GNG2: variants seen among roughly 807,000 people sequenced by gnomAD.
GNG2 encodes the protein guanine nucleotide-binding protein G(I)/G(S)/G(O) subunit gamma-2.
A neutral mutation model predicts 5.5 loss-of-function variants in GNG2; 5 were observed. The ratio of observed to expected loss-of-function variants is 0.91; its 90% CI spans 0.48 to 1.92. The LOEUF (loss-of-function observed/expected upper bound fraction) is 1.92, where lower values mean the gene tolerates loss of function less well. Ranked by LOEUF, GNG2 falls within the 30% of genes most tolerant of loss-of-function variation. The probability of loss-of-function intolerance (pLI) is 0.01; values close to 1 mark genes in which losing one functional copy is unlikely to be tolerated. For synonymous variants in GNG2, 28 were observed against 32.0 expected (o/e 0.88, Z 0.42); for missense variants, 55 against 88.4 (o/e 0.62, Z 1.52).
At chr14:51,870,321 A>G (rs1883217555) in intron 1 of GNG2, among the ~76,000 whole-genome samples, 1 of 146,534 alleles carries the variant, frequency 6.8e-6, no homozygotes, top group Middle Eastern at 3.4e-3. Flanking sequence ...CTGGCGAAAA[A>G]CACAGACTGG....
chr14:51,946,855 T>C (rs10498440), intron 2 of GNG2, among the ~76,000 whole-genome samples: 69,113 of 151,936 alleles, frequency 0.45, 15,855 homozygotes, highest in East Asian at 0.64. Flanking sequence ...TTCTTTGGAA[T>C]GCTGGCCTAG....
At chr14:51,942,756 T>C (rs1337840449) in intron 2 of GNG2, among the ~76,000 whole-genome samples, 16 of 151,638 alleles carry the variant, frequency 1.1e-4, no homozygotes, top group Admixed American at 1.1e-3. Context: ...ACATTTTGGC[T>C]ATAGAATTCT....
chr14:51,965,302 C>T (rs1483193035), intron 3 of GNG2, among the ~76,000 whole-genome samples: 4 of 152,130 alleles, frequency 2.6e-5, no homozygotes, highest in Non-Finnish European at 5.9e-5. Context: ...ACTTGACAGG[C>T]GTTCGTAGTA....
intron 2 of GNG2, among the ~76,000 whole-genome samples, chr14:51,853,168 C>A (rs1881990562): frequency 6.6e-6 from 1 of 152,168 alleles, no homozygotes; most frequent in South Asian, 2.1e-4. Context: ...TCATAACTTT[C>A]TTCCATAGGA....
chr14:51,863,872 C>T (rs1483950142), intron 1 of GNG2, among the ~76,000 whole-genome samples: 2 of 152,326 alleles, frequency 1.3e-5, no homozygotes, highest in East Asian at 3.9e-4. Context: ...CCTGTTTAAG[C>T]TGAATAATAT....
At chr14:51,911,021 C>T (rs4898725) in intron 2 of GNG2, among the ~76,000 whole-genome samples, 39,695 of 152,038 alleles carry the variant, frequency 0.26, 7,633 homozygotes, top group African/African-American at 0.54. Flanking sequence ...AGTTTTGAGC[C>T]ATTATTTAAC....
At chr14:51,857,335 G>A (rs2140095354), upstream of GNG2, among the ~76,000 whole-genome samples, 1 of 152,338 alleles carries the variant, frequency 6.6e-6, no homozygotes. Flanking sequence ...GATGCAGGGA[G>A]AAAGCAGCAC....
At chr14:51,962,142 C>G (rs997345094) in intron 3 of GNG2, among the ~76,000 whole-genome samples, 1 of 151,966 alleles carries the variant, frequency 6.6e-6, no homozygotes, top group African/African-American at 2.4e-5. Context: ...TTTTAAATTA[C>G]AAAAGAAACT....
chr14:51,901,370 T>G (rs1393946109), intron 2 of GNG2, among the ~76,000 whole-genome samples: 1 of 151,938 alleles, frequency 6.6e-6, no homozygotes, highest in Admixed American at 6.5e-5. Context: ...TTTTTCTATT[T>G]TTTGTAGTGA....
At chr14:51,892,688 A>G (rs1448370498) in intron 2 of GNG2, among the ~76,000 whole-genome samples, 1 of 152,176 alleles carries the variant, frequency 6.6e-6, no homozygotes, top group Admixed American at 6.5e-5. Context: ...GAAGAAGCTC[A>G]TTTCCCCCTT....
Position 51,879,083 on chromosome 14 carries a change from C to T in GNG2, c.-30+1426C>T, listed in dbSNP as rs149820000. On this transcript the variant is annotated intron_variant, in intron 2 of 3. Coordinates refer to ENST00000556766, the MANE Select transcript of GNG2 (RefSeq NM_053064.5). Reference sequence around the variant, plus strand: ...TGACATCCAGAGCACTCTAGGGAGACGTTGTGAACATTGTGAACTACCGTG... The same window carrying T: ...TGACATCCAGAGCACTCTAGGGAGATGTTGTGAACATTGTGAACTACCGTG... 4.6e-3 allele frequency among the ~76,000 whole-genome samples: 695 copies of T among 152,312 alleles called. 2 individuals are homozygous for T. Among genetic ancestry groups the T allele is most frequent in the Middle Eastern group, 0.014 (4 of 294 alleles).
intron 2 of GNG2, among the ~76,000 whole-genome samples, chr14:51,893,861 A>G (rs549197886): frequency 6.6e-6 from 1 of 152,260 alleles, no homozygotes; most frequent in Non-Finnish European, 1.5e-5. Context: ...CTGAATTGGA[A>G]CACTACTTTA....
intron 1 of GNG2, among the ~76,000 whole-genome samples, chr14:51,870,569 T>G (rs1438741918): frequency 1.3e-5 from 2 of 152,250 alleles, no homozygotes; most frequent in African/African-American, 4.8e-5. Context: ...AAGCATTCTG[T>G]GTATAGTATC....
rs71121674 is a variant in GNG2 at position 51,966,236 on chromosome 14, A to AC, written c.88-323_88-322insC. Among the ~76,000 whole-genome samples the AC allele has an allele frequency of 4.8e-3, 713 of 149,108 alleles. 17 individuals carry two copies. The highest frequency in any genetic ancestry group is 0.017 in the African/African-American group (687 of 39,670). On this transcript the variant is annotated intron_variant, in intron 3 of 3. Coordinates refer to ENST00000556766, the MANE Select transcript of GNG2 (RefSeq NM_053064.5). ...AAAAAAAAAAAAAAAAAAAAAAAAA[A>AC]ACAAATGAAGGAGACAGCCACCTGC...
chr14:51,867,554 G>A (rs1355864214), intron 1 of GNG2, among the ~76,000 whole-genome samples: 2 of 152,146 alleles, frequency 1.3e-5, no homozygotes, highest in Admixed American at 6.5e-5. Flanking sequence ...ATTGTGATTG[G>A]GAAAATATCT....
intron 2 of GNG2, among the ~76,000 whole-genome samples, chr14:51,840,617 T>G (rs1376159069): frequency 6.6e-6 from 1 of 152,242 alleles, no homozygotes; most frequent in African/African-American, 2.4e-5. Context: ...TTCATTCTGT[T>G]GCCTCCAAAT....
chr14:51,850,848 T>A (rs976048189), intron 2 of GNG2, among the ~76,000 whole-genome samples: 1 of 152,066 alleles, frequency 6.6e-6, no homozygotes, highest in Non-Finnish European at 1.5e-5. Flanking sequence ...TCCTGTGAAC[T>A]CAGAGTGAGA....
At chr14:51,887,394 C>A (rs1490492599) in intron 2 of GNG2, among the ~76,000 whole-genome samples, 2 of 152,154 alleles carry the variant, frequency 1.3e-5, no homozygotes, top group Non-Finnish European at 2.9e-5. Flanking sequence ...GAATTATTTT[C>A]ATTTCTTTGA....
chr14:51,876,224 C>A (rs1457814618), intron 1 of GNG2, among the ~76,000 whole-genome samples: 1 of 152,018 alleles, frequency 6.6e-6, no homozygotes, highest in Non-Finnish European at 1.5e-5. Context: ...CAGACATGAG[C>A]CACTGCACCT....
Sources: gnomAD v4.1 joint callset for allele counts (sites outside exome capture counted in the v4.1 genomes callset) on GRCh38, gnomAD v4.1.1 for gene constraint, MANE v1.5 for transcripts, NCBI Gene and HGNC (gene_info 2026-07-23, HGNC 2026-07-21) for gene names.